Variants in NRXN1 observed in about 807,000 individuals in gnomAD.
NRXN1 encodes the protein neurexin-1.
A neutral mutation model predicts 150.9 loss-of-function variants in NRXN1; 39 were observed. That is an observed-to-expected ratio of 0.26 (90% CI 0.20 to 0.34). NRXN1 has a LOEUF of 0.34. Ranked by LOEUF, NRXN1 falls within the 10% of genes least tolerant of loss-of-function variation. The probability of loss-of-function intolerance (pLI) is 1.00; values close to 1 mark genes in which losing one functional copy is unlikely to be tolerated. For synonymous variants in NRXN1, 924 were observed against 757.0 expected, an observed-to-expected ratio of 1.22 and a Z score of -3.62; for missense variants, 1,815 against 1,949.9, an observed-to-expected ratio of 0.93 and a Z score of 1.30.
intron 18 of NRXN1, among the ~76,000 whole-genome samples, chr2:50,135,663 C>T (rs565563123): frequency 6.6e-6 from 1 of 152,098 alleles, no homozygotes; most frequent in Admixed American, 6.5e-5. Flanking sequence ...TGCACTCCAG[C>T]CTGGGCGACA....
intron 18 of NRXN1, among the ~76,000 whole-genome samples, chr2:50,163,633 G>A (rs981002022): frequency 1.2e-4 from 18 of 152,118 alleles, no homozygotes; most frequent in African/African-American, 4.1e-4. Context: ...TTGTTGGTAA[G>A]CACTCCTCTA....
At chr2:50,855,618 C>A (rs1044162203) in intron 5 of NRXN1, among the ~76,000 whole-genome samples, 4 of 151,908 alleles carry the variant, frequency 2.6e-5, no homozygotes, top group Non-Finnish European at 4.4e-5. Context: ...AGGTGTATGG[C>A]CCAATAGCAA....
chr2:50,355,379 C>G (rs1572656275), intron 17 of NRXN1, among the ~76,000 whole-genome samples: 1 of 151,544 alleles, frequency 6.6e-6, no homozygotes, highest in East Asian at 1.9e-4. Context: ...ATTCTACTAT[C>G]AAGACCTTTT....
chr2:50,505,842 T>C (rs1369753499), intron 13 of NRXN1, among the ~76,000 whole-genome samples: 2 of 152,172 alleles, frequency 1.3e-5, no homozygotes, highest in African/African-American at 4.8e-5. Flanking sequence ...AAGCAGCTAA[T>C]ATCCCAGTGG....
At chr2:51,025,337 G>A (rs988595468) in intron 2 of NRXN1, among the ~76,000 whole-genome samples, 5 of 152,100 alleles carry the variant, frequency 3.3e-5, no homozygotes, top group African/African-American at 1.2e-4. Flanking sequence ...TATAGAAAGA[G>A]CTATCCATTT....
At chr2:50,088,882 G>T (rs991754206) in intron 19 of NRXN1, among the ~76,000 whole-genome samples, 35 of 152,046 alleles carry the variant, frequency 2.3e-4, no homozygotes, top group Non-Finnish European at 4.4e-4. Context: ...ATGGCATCTG[G>T]TATGTGCACA....
chr2:50,843,112 T>C (rs1673114763), intron 5 of NRXN1, among the ~76,000 whole-genome samples: 1 of 152,128 alleles, frequency 6.6e-6, no homozygotes, highest in African/African-American at 2.4e-5. Flanking sequence ...GCTGGCTACC[T>C]GGAATATAAG....
chr2:50,372,288 T>G (rs1211337948), intron 17 of NRXN1, among the ~76,000 whole-genome samples: 1 of 152,106 alleles, frequency 6.6e-6, no homozygotes, highest in African/African-American at 2.4e-5. Context: ...CTGGTGGATG[T>G]GTTCTCTCTT....
At chr2:50,926,728 CA>C (rs1686946978) in intron 2 of NRXN1, among the ~76,000 whole-genome samples, 1 of 151,730 alleles carries the variant, frequency 6.6e-6, no homozygotes, top group Admixed American at 6.6e-5. Flanking sequence ...TTGTTTGAGA[CA>C]ATGAAAATAT....
intron 19 of NRXN1, among the ~76,000 whole-genome samples, chr2:50,064,329 A>ATT (rs1695019919): frequency 6.6e-6 from 1 of 151,954 alleles, no homozygotes; most frequent in African/African-American, 2.4e-5. Flanking sequence ...AATCTTTTAA[A>ATT]TCTTATTTTT....
At chr2:50,927,434 CTT>C (rs1220121673) in intron 2 of NRXN1, among the ~76,000 whole-genome samples, 2 of 151,840 alleles carry the variant, frequency 1.3e-5, no homozygotes, top group Admixed American at 1.3e-4. Context: ...ACAAAAAAAA[CTT>C]TCAAATATTT....
At chr2:50,783,853 T>C (rs915186873) in intron 5 of NRXN1, among the ~76,000 whole-genome samples, 3 of 152,102 alleles carry the variant, frequency 2.0e-5, no homozygotes, top group Non-Finnish European at 4.4e-5. Flanking sequence ...ATGTAACTAT[T>C]ATTTGGTAAG....
intron 5 of NRXN1, among the ~76,000 whole-genome samples, chr2:50,644,809 T>A (rs565263674): frequency 4.7e-5 from 7 of 148,350 alleles, no homozygotes; most frequent in African/African-American, 1.2e-4. Context: ...ATATATATAA[T>A]ATATATGAAT....
intron 21 of NRXN1, chr2:49,973,957 G>C: frequency 1.4e-6 from 1 of 717,086 alleles, no homozygotes; most frequent in Non-Finnish European, 2.6e-6. Context: ...GGCTGTGACA[G>C]AAGAAGCTAC....
intron 21 of NRXN1, among the ~76,000 whole-genome samples, chr2:50,046,153 G>A (rs1691772518): frequency 6.6e-6 from 1 of 152,174 alleles, no homozygotes; most frequent in Non-Finnish European, 1.5e-5. Flanking sequence ...AGTAGGGGAG[G>A]TTGCATAAAA....
chr2:50,926,336 A>G (rs1026405208), intron 2 of NRXN1, among the ~76,000 whole-genome samples: 3 of 151,902 alleles, frequency 2.0e-5, no homozygotes, highest in Non-Finnish European at 4.4e-5. Context: ...ATTTCCACAT[A>G]CTGATTTGGC....
intron 5 of NRXN1, chr2:50,917,624 TATAAAAGACA>T (rs1277557034): frequency 6.6e-6 from 1 of 151,554 alleles, no homozygotes; most frequent in Non-Finnish European, 1.5e-5. Context: ...TTGCTGTCCT[TATAAAAGACA>T]CTCCAGAGAG....
rs535035617 is a variant in NRXN1, at chr2:49,972,254, G to A, written c.4129-28463C>T. Among the ~76,000 whole-genome samples the A allele has an allele frequency of 2.7e-5, 4 of 149,192 alleles. No individual in the cohort carries two copies. The South Asian group carries it at 8.6e-4, about 32-fold the overall frequency. On this transcript the variant is annotated intron_variant, in intron 21 of 22. Transcript: ENST00000401669. ...CTGTGTCCAGTTCTCTGGGAGCTGG[G>A]GGTGACAGAGGGCTTGATGGAGGCT...
At chr2:50,739,331 C>T (rs1445393048) in intron 5 of NRXN1, 1 of 430,140 alleles carries the variant, frequency 2.3e-6, no homozygotes, top group African/African-American at 2.0e-5. Flanking sequence ...TGACTGAAAA[C>T]AGAAAATACT....
Sources: allele counts gnomAD v4.1 joint callset (sites outside exome capture counted in the v4.1 genomes callset), GRCh38; gene constraint gnomAD v4.1.1; transcripts MANE v1.5; gene names NCBI Gene and HGNC (gene_info 2026-07-23, HGNC 2026-07-21).